Variants in ELMO1 observed in about 807,000 individuals in gnomAD.
The protein encoded by ELMO1 is engulfment and cell motility protein 1.
ELMO1 carries 26 observed loss-of-function variants against 98.9 expected under a neutral mutation model. The ratio of observed to expected loss-of-function variants is 0.26; its 90% confidence interval spans 0.19 to 0.36. The LOEUF (loss-of-function observed/expected upper bound fraction) is 0.36. Ranked by LOEUF, ELMO1 falls within the 10% of genes least tolerant of loss-of-function variation. The pLI is 1.00. For synonymous variants in ELMO1, 346 were observed against 346.0 expected (o/e 1.00, Z 0.00); for missense variants, 627 against 935.2 (o/e 0.67, Z 4.30).
chr7:36,942,810 A>G (rs549958491), intron 16 of ELMO1, among the ~76,000 whole-genome samples: 1 of 152,326 alleles, frequency 6.6e-6, no homozygotes, highest in South Asian at 2.1e-4. Flanking sequence ...TACACTTATA[A>G]TGAACACTTC....
chr7:37,217,846 T>G (rs753280278), intron 10 of ELMO1: 3 of 455,404 alleles, frequency 6.6e-6, no homozygotes, highest in Non-Finnish European at 8.8e-6. Context: ...GGTTGACCAC[T>G]GTATTTGAAC....
intron 16 of ELMO1, among the ~76,000 whole-genome samples, chr7:36,983,080 A>G (rs1329453352): frequency 6.6e-6 from 1 of 152,200 alleles, no homozygotes; most frequent in Non-Finnish European, 1.5e-5. Context: ...CACCCTCGCC[A>G]TTGCTTTGGC....
chr7:37,047,843 T>C (rs1795885334), intron 15 of ELMO1, among the ~76,000 whole-genome samples: 1 of 152,146 alleles, frequency 6.6e-6, no homozygotes, highest in African/African-American at 2.4e-5. Flanking sequence ...TACAGACTAG[T>C]TTTCTCTTTC....
intron 13 of ELMO1, among the ~76,000 whole-genome samples, chr7:37,198,078 C>T (rs1479217529): frequency 6.6e-6 from 1 of 152,172 alleles, no homozygotes; most frequent in African/African-American, 2.4e-5. Context: ...CATCCTCGGC[C>T]ATGTGCCTAC....
chr7:37,222,703 T>C lies in ELMO1; in HGVS notation c.702-10A>G, dbSNP rs941516947. ...GATTTCTTGATCTGACCTGTAAAGA[T>C]AGAGAACAATTCAGAAAATCAGAAC... On this transcript the variant is annotated splice_polypyrimidine_tract_variant and intron_variant, in intron 9 of 21. Coordinates refer to ENST00000310758, the MANE Select transcript of ELMO1 (RefSeq NM_014800.11). 6.2e-7 allele frequency: 1 copy of C among 1,612,100 alleles called. No homozygotes were observed. The highest frequency in any genetic ancestry group is 8.5e-7 in the Non-Finnish European group (1 of 1,178,786).
At chr7:37,058,641 T>C (rs1796514319) in intron 15 of ELMO1, among the ~76,000 whole-genome samples, 1 of 152,152 alleles carries the variant, frequency 6.6e-6, no homozygotes. Flanking sequence ...GCTCCATTCC[T>C]TCTGTGGGAG....
At chr7:36,921,938 C>A (rs962598900) in intron 16 of ELMO1, among the ~76,000 whole-genome samples, 1 of 152,132 alleles carries the variant, frequency 6.6e-6, no homozygotes, top group African/African-American at 2.4e-5. Context: ...ATTGTCAGAT[C>A]TCTTTTATTT....
At chr7:37,068,663 C>CTA (rs985339977) in intron 15 of ELMO1, among the ~76,000 whole-genome samples, 2 of 152,082 alleles carry the variant, frequency 1.3e-5, no homozygotes. Flanking sequence ...GTAGAGAGAA[C>CTA]TACAGTTGGT....
At chr7:37,389,177 G>A (rs1487921578) in intron 1 of ELMO1, among the ~76,000 whole-genome samples, 1 of 152,184 alleles carries the variant, frequency 6.6e-6, no homozygotes, top group African/African-American at 2.4e-5. Flanking sequence ...TTGTGGGCAT[G>A]GCTGTGCCCT....
chr7:37,330,661 C>T (rs755553006), intron 2 of ELMO1, among the ~76,000 whole-genome samples: 7 of 152,204 alleles, frequency 4.6e-5, no homozygotes, highest in Non-Finnish European at 1.0e-4. Flanking sequence ...AACTTTTGCA[C>T]TTTGAGGTTT....
chr7:37,353,114 C>T (rs113511098), intron 1 of ELMO1: 5 of 152,360 alleles, frequency 3.3e-5, no homozygotes, highest in African/African-American at 1.2e-4. Flanking sequence ...AGGATCATCC[C>T]CCAGCCAGCT....
chr7:37,359,911 C>T (rs1180597828), intron 1 of ELMO1, among the ~76,000 whole-genome samples: 1 of 152,132 alleles, frequency 6.6e-6, no homozygotes, highest in Non-Finnish European at 1.5e-5. Flanking sequence ...AGTCTGTGGA[C>T]AGGAATCAGT....
At chr7:36,981,317 C>T (rs1250323502) in intron 16 of ELMO1, among the ~76,000 whole-genome samples, 1 of 151,568 alleles carries the variant, frequency 6.6e-6, no homozygotes. Flanking sequence ...TGGTTTTGAT[C>T]TAGTTATTGA....
chr7:37,253,493 C>T (rs1466450259), intron 6 of ELMO1, among the ~76,000 whole-genome samples: 2 of 152,102 alleles, frequency 1.3e-5, no homozygotes, highest in Non-Finnish European at 2.9e-5. Flanking sequence ...AACCAAACAC[C>T]GCATGTTCTC....
intron 17 of ELMO1, among the ~76,000 whole-genome samples, chr7:36,890,375 G>T (rs982068140): frequency 6.6e-6 from 1 of 152,166 alleles, no homozygotes; most frequent in Non-Finnish European, 1.5e-5. Flanking sequence ...CTTGGGGTCT[G>T]CCCTACTGAG....
intron 16 of ELMO1, among the ~76,000 whole-genome samples, chr7:36,970,996 T>C (rs1264948850): frequency 1.3e-5 from 2 of 152,192 alleles, no homozygotes; most frequent in Non-Finnish European, 2.9e-5. Flanking sequence ...CTCACTGCCA[T>C]TGCCAAGGAG....
intron 16 of ELMO1, among the ~76,000 whole-genome samples, chr7:37,008,482 C>CT (rs534360675): frequency 1.7e-3 from 252 of 146,580 alleles, no homozygotes; most frequent in African/African-American, 3.1e-3. Context: ...CATAGCTTCA[C>CT]TTTTTTTTTT....
At chr7:37,219,668 T>C (rs73108960) in intron 10 of ELMO1, among the ~76,000 whole-genome samples, 8,006 of 152,294 alleles carry the variant, frequency 0.053, 289 homozygotes, top group Middle Eastern at 0.092. Context: ...TTGGATGGGA[T>C]GCTTTGCAGG....
intron 16 of ELMO1, among the ~76,000 whole-genome samples, chr7:36,965,758 C>A (rs557657318): frequency 3.6e-4 from 54 of 151,996 alleles, no homozygotes; most frequent in African/African-American, 1.2e-3. Context: ...GAAAAAAAAA[C>A]CCATTCCAAA....
Sources: allele counts gnomAD v4.1 joint callset (sites outside exome capture counted in the v4.1 genomes callset), GRCh38; gene constraint gnomAD v4.1.1; transcripts MANE v1.5; gene names NCBI Gene and HGNC (gene_info 2026-07-23, HGNC 2026-07-21).